TMEM255A: variants seen among roughly 807,000 people sequenced by gnomAD.
The protein encoded by TMEM255A is transmembrane protein 255A.
In TMEM255A, 14 loss-of-function variants were observed where a neutral mutation model predicts 23.5. That is an observed-to-expected ratio of 0.60 (90% CI 0.39 to 0.93). The LOEUF (loss-of-function observed/expected upper bound fraction) is 0.93. Among genes scored for constraint, TMEM255A ranks in the 40% least tolerant of loss-of-function variants. The pLI is 0.00. For missense variants in TMEM255A, 233 were observed against 261.7 expected (o/e 0.89, Z 0.76); for synonymous variants, 104 against 100.3 (o/e 1.04, Z -0.22).
At chrX:120,298,879 G>T (rs782120723) in intron 2 of TMEM255A, among the ~76,000 whole-genome samples, 1 of 95,870 alleles carries the variant, frequency 1.0e-5, no homozygotes, top group African/African-American at 4.8e-5. Context: ...AGAGCACCTA[G>T]AGAGAGAGAG....
At chrX:120,287,027 A>G in intron 5 of TMEM255A, 127 bp downstream of exon 5, 1 of 598,266 alleles carries the variant, frequency 1.7e-6, no homozygotes, top group Non-Finnish European at 2.9e-6. Context: ...TGACCCACTG[A>G]ACAAATCAGC....
intron 6 of TMEM255A, among the ~76,000 whole-genome samples, chrX:120,283,134 G>A (rs1323714460): frequency 1.8e-5 from 2 of 111,176 alleles, no homozygotes; most frequent in Admixed American, 9.5e-5. Flanking sequence ...CCTAGGACCC[G>A]TGTTACATTT....
chrX:120,296,636 T>TTATATTATAATATAATA (rs1162011526), intron 2 of TMEM255A, among the ~76,000 whole-genome samples: 1 of 67,632 alleles, frequency 1.5e-5, no homozygotes, highest in African/African-American at 6.4e-5. Context: ...TATATATATA[T>TTATATTATAATATAATA]TATATTATAA....
intron 5 of TMEM255A, among the ~76,000 whole-genome samples, chrX:120,286,483 T>C (rs1431417147): frequency 1.8e-5 from 2 of 112,211 alleles, no homozygotes; most frequent in African/African-American, 6.5e-5. Context: ...TCTCCAAAAA[T>C]GACCTGGAGT....
At chrX:120,254,649 G>A (rs782121762), downstream of TMEM255A, 4 of 1,209,934 alleles carry the variant, frequency 3.3e-6, no homozygotes, top group African/African-American at 5.3e-5. Flanking sequence ...TCTAATGGAG[G>A]GTCAGAAGAT....
At chrX:120,264,449 C>A (rs1161444691) in intron 8 of TMEM255A, among the ~76,000 whole-genome samples, 1 of 110,406 alleles carries the variant, frequency 9.1e-6, no homozygotes, top group African/African-American at 3.3e-5. Context: ...TCCTCAGGGC[C>A]AGCTGATCAG....
At position 120,276,926 on chromosome X, in the gene TMEM255A, C is replaced by T. The variant is rs1556019917; in HGVS notation, c.634G>A (p.Gly212Ser). The T allele has an allele frequency of 1.4e-5, 17 of 1,209,852 alleles. No homozygotes were observed. The highest frequency in any genetic ancestry group is 1.9e-5 in the Non-Finnish European group (17 of 895,100). Reference sequence around the variant, plus strand: ...CCAAGGACAGCGGCAGTGATGATGCCCAGGAACAGGCCAACAATGTTGAGG... The same window carrying T: ...CCAAGGACAGCGGCAGTGATGATGCTCAGGAACAGGCCAACAATGTTGAGG... ...TILNIVGLFL[G>S]IITAAVLGGF... is the part of the protein sequence containing the mutation. Residue 212 changes from glycine to serine, a missense_variant, in exon 7 of 9, where the codon GGC becomes AGC. Coordinates refer to ENST00000371369, the MANE Select transcript of TMEM255A (RefSeq NM_001104544.3).
the TMEM255A span, among the ~76,000 whole-genome samples, chrX:120,252,359 T>C: frequency 8.8e-4 from 98 of 110,866 alleles, no homozygotes; most frequent in Non-Finnish European, 1.6e-3. Context: ...ATTATATATT[T>C]TTAATATATG....
intron 1 of TMEM255A, among the ~76,000 whole-genome samples, chrX:120,308,022 C>T (rs1311103633): frequency 2.7e-5 from 3 of 112,101 alleles, no homozygotes; most frequent in Admixed American, 9.4e-5. Flanking sequence ...GGTCAGAGCC[C>T]CCATCTGCAT....
rs782702628 is a variant in TMEM255A, at chrX:120,311,416, C to G, written c.-107G>C. 1.8e-5 allele frequency: 12 copies of G among 652,711 alleles called. No individual in the cohort carries two copies. The highest frequency in any genetic ancestry group is 4.4e-5 in the African/African-American group (2 of 45,614). The allele number at this position is 652,711 out of a possible 1,213,427, so 53.8% of individuals were successfully genotyped here. A position where few individuals can be genotyped will look rare whatever the true frequency, so the allele number is the denominator to read the frequency against. ...CCGCGGTTGCCTCTCTCGGTCCTTC[C>G]GAGAGCTGAGAGACACTGCCTCTGG... On this transcript the variant is annotated 5_prime_UTR_variant, in exon 1 of 9. Coordinates refer to ENST00000371369, the MANE Select transcript of TMEM255A (RefSeq NM_001104544.3).
intron 2 of TMEM255A, among the ~76,000 whole-genome samples, chrX:120,301,040 A>G (rs2058031003): frequency 9.0e-6 from 1 of 110,954 alleles, no homozygotes; most frequent in Non-Finnish European, 1.9e-5. Context: ...GTTTTTTTAA[A>G]ACTTTACAGT....
intron 2 of TMEM255A, among the ~76,000 whole-genome samples, chrX:120,295,047 G>A (rs1437212898): frequency 5.4e-5 from 6 of 111,581 alleles, no homozygotes. Flanking sequence ...AAGTGGCTGA[G>A]ATTATGGCTT....
chrX:120,279,998 C>T (rs1186736141), intron 6 of TMEM255A, among the ~76,000 whole-genome samples: 17 of 38,200 alleles, frequency 4.5e-4, no homozygotes, highest in Non-Finnish European at 4.7e-4. Flanking sequence ...CCTTTTCTTT[C>T]TTTTTTTTTT....
In TMEM255A at chrX:120,260,160, C is replaced by T. The variant is rs1202633582; in HGVS notation, c.*710G>A. The T allele has an allele frequency of 1.1e-5, 8 of 737,206 alleles. No individual in the cohort carries two copies. In the Admixed American group the frequency reaches 7.0e-4, roughly 64 times the overall value. The allele number at this position is 737,206 out of a possible 1,213,427, so 60.8% of individuals were successfully genotyped here. Reference sequence around the variant, plus strand: ...CTCCTAAGTGATCTACTTAAAACATCTCACATGTTGCTGTGTATTTCAGTG... The same window carrying T: ...CTCCTAAGTGATCTACTTAAAACATTTCACATGTTGCTGTGTATTTCAGTG... On this transcript the variant is annotated 3_prime_UTR_variant, in exon 9 of 9. Coordinates refer to ENST00000371369, the MANE Select transcript of TMEM255A (RefSeq NM_001104544.3).
intron 7 of TMEM255A, among the ~76,000 whole-genome samples, chrX:120,273,739 ATGTTTATAATTTTTTTTGAGAAAG>A (rs2057777486): frequency 8.9e-6 from 1 of 112,283 alleles, no homozygotes; most frequent in Admixed American, 9.4e-5. Context: ...GCCCACTAGA[ATGTTTATAATTTTTTTTGAGAAAG>A]TGTTGGTGAG....
intron 7 of TMEM255A, among the ~76,000 whole-genome samples, chrX:120,275,252 A>G (rs2057788166): frequency 9.1e-6 from 1 of 110,367 alleles, no homozygotes; most frequent in South Asian, 3.8e-4. Context: ...GAGTCTGGGG[A>G]GGGAAGCTGG....
intron 8 of TMEM255A, among the ~76,000 whole-genome samples, chrX:120,263,532 C>CAATGCGCATG (rs2057694460): frequency 9.0e-6 from 1 of 111,476 alleles, no homozygotes; most frequent in Non-Finnish European, 1.9e-5. Context: ...TGCGCATTTC[C>CAATGCGCATG]GTCAGGGCAT....
intron 7 of TMEM255A, among the ~76,000 whole-genome samples, chrX:120,272,279 T>TC (rs1290204539): frequency 2.7e-5 from 3 of 111,953 alleles, no homozygotes; most frequent in African/African-American, 9.7e-5. Flanking sequence ...TGGGCACCTC[T>TC]CTCAGTACTG....
intron 2 of TMEM255A, among the ~76,000 whole-genome samples, chrX:120,296,734 T>TA (rs1556024212): frequency 2.5e-5 from 1 of 39,653 alleles, no homozygotes; most frequent in East Asian, 1.0e-3. Context: ...ATATTAAATA[T>TA]ATTATATTAT....
Sources: gnomAD v4.1 joint callset for allele counts (sites outside exome capture counted in the v4.1 genomes callset) on GRCh38, gnomAD v4.1.1 for gene constraint, MANE v1.5 for transcripts, NCBI Gene and HGNC (gene_info 2026-07-23, HGNC 2026-07-21) for gene names.